Variants in SMOC2 observed in about 807,000 individuals in gnomAD.
The protein encoded by SMOC2 is SPARC related modular calcium binding 2.
A neutral mutation model predicts 61.4 loss-of-function variants in SMOC2; 39 were observed. That is an observed-to-expected ratio of 0.64 (90% CI 0.49 to 0.83). The LOEUF (loss-of-function observed/expected upper bound fraction) is 0.83, where lower values mean the gene tolerates loss of function less well. SMOC2 is among the 40% of genes least tolerant of loss of function. SMOC2 has a pLI of 0.00. For synonymous variants in SMOC2, 247 were observed against 239.9 expected (o/e 1.03, Z -0.27); for missense variants, 556 against 592.9 (o/e 0.94, Z 0.65).
chr6:168,522,569 G>A (rs192480107), intron 2 of SMOC2, among the ~76,000 whole-genome samples: 5 of 152,258 alleles, frequency 3.3e-5, no homozygotes, highest in East Asian at 3.9e-4. Context: ...ACAACATCAC[G>A]CTAAATGAAG....
intron 7 of SMOC2, among the ~76,000 whole-genome samples, chr6:168,571,664 T>C (rs1784668670): frequency 6.6e-6 from 1 of 152,214 alleles, no homozygotes; most frequent in Non-Finnish European, 1.5e-5. Context: ...TACTTCTCTA[T>C]GGATACAATT....
intron 9 of SMOC2, among the ~76,000 whole-genome samples, chr6:168,636,580 G>A (rs4708769): frequency 0.74 from 112,692 of 152,158 alleles, 41,933 homozygotes; most frequent in African/African-American, 0.78. Flanking sequence ...TCAGGCACAC[G>A]GGGACTCCCC....
chr6:168,462,768 G>A (rs1781743911), intron 1 of SMOC2, among the ~76,000 whole-genome samples: 1 of 152,152 alleles, frequency 6.6e-6, no homozygotes, highest in Admixed American at 6.5e-5. Context: ...GTGTCGAGGT[G>A]GTGCATCTCT....
At chr6:168,550,558 C>T (rs1269709980) in intron 7 of SMOC2, among the ~76,000 whole-genome samples, 1 of 152,134 alleles carries the variant, frequency 6.6e-6, no homozygotes, top group Non-Finnish European at 1.5e-5. Context: ...GATGAGCTGG[C>T]ACAGGTCCAA....
At position 168,598,813 on chromosome 6, in the gene SMOC2, C is replaced by T. The variant is rs376396523; in HGVS notation, c.638-5C>T. On this transcript the variant is annotated splice_polypyrimidine_tract_variant and splice_region_variant and intron_variant, in intron 7 of 12. Transcript: ENST00000356284. ...GCTCACCTTTTGCCTTCTTCTTCCC[C>T]GCAGTGTCATCCTGTGACCAAGAGC... 2.0e-5 allele frequency: 33 copies of T among 1,613,418 alleles called. No homozygotes were observed. The Admixed American group carries it at 3.0e-4, about 15-fold the overall frequency.
intron 7 of SMOC2, among the ~76,000 whole-genome samples, chr6:168,566,297 C>G (rs567495222): frequency 6.6e-6 from 1 of 152,238 alleles, no homozygotes; most frequent in African/African-American, 2.4e-5. Flanking sequence ...TTCTAGGACA[C>G]TGTCTAATCA....
intron 7 of SMOC2, among the ~76,000 whole-genome samples, chr6:168,584,411 C>T (rs762880171): frequency 2.6e-5 from 4 of 152,110 alleles, no homozygotes; most frequent in Admixed American, 6.6e-5. Context: ...ATAAACAAAA[C>T]GAAACTTGCA....
chr6:168,588,033 G>A (rs1785082825), intron 7 of SMOC2, among the ~76,000 whole-genome samples: 1 of 151,690 alleles, frequency 6.6e-6, no homozygotes, highest in African/African-American at 2.4e-5. Context: ...AGGGGTGGGG[G>A]TGATTCATGT....
At chr6:168,608,677 G>T (rs1040665571) in intron 9 of SMOC2, among the ~76,000 whole-genome samples, 6 of 152,304 alleles carry the variant, frequency 3.9e-5, no homozygotes, top group Admixed American at 1.3e-4. Flanking sequence ...TGAGTTGAAT[G>T]TATGTATTGA....
chr6:168,604,239 A>C (rs1785630130), intron 8 of SMOC2, among the ~76,000 whole-genome samples: 1 of 152,216 alleles, frequency 6.6e-6, no homozygotes, highest in South Asian at 2.1e-4. Flanking sequence ...CTTTGGAGCC[A>C]AAAATCCCTT....
At chr6:168,538,281 C>A (rs1783786869) in intron 4 of SMOC2, among the ~76,000 whole-genome samples, 1 of 111,282 alleles carries the variant, frequency 9.0e-6, no homozygotes, top group Non-Finnish European at 1.7e-5. Flanking sequence ...GTGACCCCTG[C>A]TGGAATGTGG....
intron 9 of SMOC2, among the ~76,000 whole-genome samples, chr6:168,639,911 G>C (rs536813028): frequency 6.6e-6 from 1 of 152,328 alleles, no homozygotes; most frequent in Non-Finnish European, 1.5e-5. Context: ...ACAGCCTCCT[G>C]AGAGGGAGCC....
intron 1 of SMOC2, among the ~76,000 whole-genome samples, chr6:168,442,258 A>G (rs921041957): frequency 2.0e-5 from 3 of 152,276 alleles, no homozygotes; most frequent in Admixed American, 2.0e-4. Flanking sequence ...CGCGAGGGTC[A>G]CCGCGGTTGA....
At chr6:168,538,043 G>A (rs997889372) in intron 4 of SMOC2, among the ~76,000 whole-genome samples, 8 of 151,860 alleles carry the variant, frequency 5.3e-5, no homozygotes, top group Non-Finnish European at 1.0e-4. Flanking sequence ...ACCACTGCTG[G>A]AATGTGGGGG....
At chr6:168,596,626 C>T (rs58690663) in intron 7 of SMOC2, among the ~76,000 whole-genome samples, 59,120 of 152,178 alleles carry the variant, frequency 0.39, 11,784 homozygotes, top group Middle Eastern at 0.5. Flanking sequence ...GCACCAAGTG[C>T]TCTGAGGATT....
chr6:168,519,792 T>C (rs988423480), intron 2 of SMOC2, among the ~76,000 whole-genome samples: 2 of 152,206 alleles, frequency 1.3e-5, no homozygotes, highest in African/African-American at 4.8e-5. Flanking sequence ...TCACTGATAT[T>C]TTCATAGAGA....
chr6:168,633,713 G>T (rs1239262893), intron 9 of SMOC2, among the ~76,000 whole-genome samples: 4 of 152,178 alleles, frequency 2.6e-5, no homozygotes, highest in African/African-American at 4.8e-5. Context: ...AAGCAGGAGG[G>T]TGTTCTTGGA....
chr6:168,643,409 C>T (rs1455944075), intron 9 of SMOC2, among the ~76,000 whole-genome samples: 1 of 152,206 alleles, frequency 6.6e-6, no homozygotes, highest in African/African-American at 2.4e-5. Context: ...TCCTGCCCCA[C>T]TCGACACACC....
At chr6:168,496,638 C>T (rs968488688) in intron 1 of SMOC2, among the ~76,000 whole-genome samples, 12 of 152,268 alleles carry the variant, frequency 7.9e-5, no homozygotes, top group Non-Finnish European at 1.2e-4. Context: ...GGCACCTGGA[C>T]GGGGCTGCGG....
Sources: allele counts gnomAD v4.1 joint callset (sites outside exome capture counted in the v4.1 genomes callset), GRCh38; gene constraint gnomAD v4.1.1; transcripts MANE v1.5; gene names NCBI Gene and HGNC (gene_info 2026-07-23, HGNC 2026-07-21).